The following DIP2B variants were observed in gnomAD, a reference collection of about 807,000 sequenced individuals.
DIP2B encodes disco-interacting protein 2 homolog B.
Under a neutral mutation model 198.0 loss-of-function variants are expected in DIP2B, and 76 were observed. The observed-to-expected ratio is 0.38, with a 90% CI of 0.32 to 0.46. The LOEUF is 0.46. Ranked by LOEUF, DIP2B falls within the 20% of genes least tolerant of loss-of-function variation. The pLI, the probability that DIP2B is intolerant of heterozygous loss-of-function variation, is 0.99. For missense variants in DIP2B, 1,559 were observed against 1,978.4 expected, an observed-to-expected ratio of 0.79 and a Z score of 4.02; for synonymous variants, 701 against 739.1, an observed-to-expected ratio of 0.95 and a Z score of 0.84.
chr12:50,570,888 A>C (rs779372950), intron 1 of DIP2B, among the ~76,000 whole-genome samples: 8 of 152,244 alleles, frequency 5.3e-5, no homozygotes, highest in Non-Finnish European at 8.8e-5. Context: ...TTATTCTCTC[A>C]GAAATTTTGG....
intron 12 of DIP2B, among the ~76,000 whole-genome samples, chr12:50,690,337 T>C (rs1042881188): frequency 5.3e-5 from 8 of 152,132 alleles, no homozygotes; most frequent in Non-Finnish European, 7.4e-5. Flanking sequence ...CCGCCCACCT[T>C]GGCCTCCCAA....
At chr12:50,674,348 T>C (rs1938907459) in intron 5 of DIP2B, 126 bp from the exon 6 acceptor site, 3 of 958,088 alleles carry the variant, frequency 3.1e-6, no homozygotes, top group Non-Finnish European at 4.6e-6. Flanking sequence ...TTTTAAATGT[T>C]GTTTTACAAG....
chr12:50,640,888 T>A lies in DIP2B; in HGVS notation c.301+36T>A, dbSNP rs184438387. On this transcript the variant is annotated intron_variant, in intron 3 of 37. Transcript: ENST00000301180. ...GCTGCAGAATGGCCAGCTGAATCGT[T>A]TTCCTAACAGTAGTATGAACTGTGT... The A allele has an allele frequency of 8.3e-4, 1,324 of 1,603,246 alleles. 11 individuals carry two copies. Among genetic ancestry groups the A allele is most frequent in the East Asian group, 7.3e-3 (325 of 44,728 alleles).
At chr12:50,562,306 G>C (rs1958526047) in intron 1 of DIP2B, among the ~76,000 whole-genome samples, 2 of 152,172 alleles carry the variant, frequency 1.3e-5, no homozygotes, top group South Asian at 4.1e-4. Context: ...ATAAGAATAA[G>C]AGGGGAGGTT....
chr12:50,714,402 A>G lies in DIP2B; in HGVS notation c.2657A>G (p.Asp886Gly). ...TTGTTTGTATTTTTCTAGGCGATCG[A>G]TAGCATTCATCAAGTGGGGGTTTAT... ...QWMSRVLQAI[D>G]SIHQVGVYCL... Residue 886 changes from aspartate to glycine, a missense_variant, in exon 23 of 38, where the codon GAT (aspartate) becomes GGT (glycine). By Grantham distance (94) the Asp-to-Gly change is moderately conservative. Coordinates refer to ENST00000301180, the MANE Select transcript of DIP2B (RefSeq NM_173602.3). 6.2e-7 allele frequency: 1 copy of G among 1,614,224 alleles called. No individual in the cohort carries two copies. Among genetic ancestry groups the G allele is most frequent in the East Asian group, 2.2e-5 (1 of 44,890 alleles).
intron 1 of DIP2B, among the ~76,000 whole-genome samples, chr12:50,537,080 C>A (rs1958274802): frequency 7.7e-6 from 1 of 129,492 alleles, no homozygotes. Flanking sequence ...TTTTTTTGGT[C>A]ACACTTACCA....
At chr12:50,636,539 T>C (rs2139482397) in intron 2 of DIP2B, among the ~76,000 whole-genome samples, 1 of 152,304 alleles carries the variant, frequency 6.6e-6, no homozygotes, top group South Asian at 2.1e-4. Flanking sequence ...AGGGATTATA[T>C]AGGCAGTGCA....
chr12:50,698,961 CCACTCAGTAAAGGCAGGACTTTCT>C, intron 18 of DIP2B, 81 bp from the exon 19 acceptor site: 2 of 1,274,372 alleles, frequency 1.6e-6, no homozygotes, highest in African/African-American at 3.0e-5. Context: ...TTACTTAATG[CCACTCAGTAAAGGCAGGACTTTCT>C]TGGGTTCACA....
At chr12:50,681,634 T>C (rs1939043507) in intron 9 of DIP2B, among the ~76,000 whole-genome samples, 1 of 152,228 alleles carries the variant, frequency 6.6e-6, no homozygotes, top group African/African-American at 2.4e-5. Flanking sequence ...TAAATATGAT[T>C]ACTTTTTACC....
At position 50,692,984 on chromosome 12, in the gene DIP2B, G is replaced by A; in HGVS notation, c.1690G>A (p.Asp564Asn). The change falls in exon 14 of 38, where the codon GAT (aspartate) becomes AAT (asparagine). Residue 564 changes from aspartate to asparagine, a missense_variant. Physicochemically the swap from Asp to Asn is conservative, Grantham distance 23. Coordinates refer to ENST00000301180, the MANE Select transcript of DIP2B (RefSeq NM_173602.3). Reference sequence around the variant, plus strand: ...AGTAAATGTCTTAGACTTTAAGAAGGATGCTGGGCTGTGGCACGGCATGTT... The same window carrying A: ...AGTAAATGTCTTAGACTTTAAGAAGAATGCTGGGCTGTGGCACGGCATGTT... ...TIVNVLDFKK[D>N]AGLWHGMFAN... The A allele has an allele frequency of 6.2e-7, 1 of 1,610,702 alleles. No homozygotes were observed. Among genetic ancestry groups the A allele is most frequent in the Non-Finnish European group, 8.5e-7 (1 of 1,179,210 alleles).
chr12:50,734,291 C>A, intron 33 of DIP2B, 95 bp downstream of exon 33: 1 of 1,273,170 alleles, frequency 7.9e-7, no homozygotes, highest in Non-Finnish European at 1.1e-6. Context: ...TCCTTTTGTT[C>A]ATATATTCCA....
chr12:50,553,548 G>A (rs1958444895), intron 1 of DIP2B, among the ~76,000 whole-genome samples: 2 of 152,174 alleles, frequency 1.3e-5, no homozygotes, highest in Non-Finnish European at 2.9e-5. Flanking sequence ...AGCATCTGGA[G>A]GCACTAACAG....
In DIP2B at chr12:50,660,914, A is replaced by T. The variant is rs150815673; in HGVS notation, c.427+595A>T. On this transcript the variant is annotated intron_variant, in intron 4 of 37. Coordinates refer to ENST00000301180, the MANE Select transcript of DIP2B (RefSeq NM_173602.3). ...AGAATCTACTTTTTATAACGGGGTC[A>T]TGAGATCAGTGAGAACTAGGTATCT... Among the ~76,000 whole-genome samples, 773 of 152,288 alleles carry T rather than the reference A, an allele frequency of 5.1e-3. 4 individuals are homozygous for T. The highest frequency in any genetic ancestry group is 0.017 in the African/African-American group (710 of 41,564).
At chr12:50,611,302 A>G (rs1007722865) in intron 1 of DIP2B, among the ~76,000 whole-genome samples, 1 of 152,190 alleles carries the variant, frequency 6.6e-6, no homozygotes, top group Non-Finnish European at 1.5e-5. Context: ...GCTAAAGGAT[A>G]TCAGCTCTTG....
At chr12:50,687,360 G>A (rs1939148986) in intron 12 of DIP2B, among the ~76,000 whole-genome samples, 1 of 152,192 alleles carries the variant, frequency 6.6e-6, no homozygotes, top group Middle Eastern at 3.2e-3. Context: ...TAGACTCAGA[G>A]TTAGGTCTAA....
intron 2 of DIP2B, among the ~76,000 whole-genome samples, 193 bp downstream of exon 2, chr12:50,626,240 T>G (rs1937932598): frequency 6.6e-6 from 1 of 152,216 alleles, no homozygotes; most frequent in Admixed American, 6.5e-5. Context: ...CTTTTAAAAA[T>G]ACCTAAGGTC....
At chr12:50,636,638 T>C (rs1938164629) in intron 2 of DIP2B, among the ~76,000 whole-genome samples, 2 of 152,230 alleles carry the variant, frequency 1.3e-5, no homozygotes, top group Non-Finnish European at 2.9e-5. Context: ...CACAGGGTGC[T>C]GCTGAATAAC....
At chr12:50,544,043 C>A (rs1219442469) in intron 1 of DIP2B, among the ~76,000 whole-genome samples, 1 of 149,580 alleles carries the variant, frequency 6.7e-6, no homozygotes. Flanking sequence ...TCCTGGCCAA[C>A]ATGGTGAAAC....
At position 50,660,328 on chromosome 12, in the gene DIP2B, A is replaced by G; in HGVS notation, c.427+9A>G. 6.3e-7 allele frequency: 1 copy of G among 1,594,736 alleles called. No individual in the cohort carries two copies. Among genetic ancestry groups the G allele is most frequent in the Non-Finnish European group, 8.5e-7 (1 of 1,172,614 alleles). ...TGCCTGCACACCTCCTGGTAGGTTT[A>G]TCAGAGCTTTTTCTCTCTGACAGTT... is the stretch of plus-strand genomic sequence containing the variant. On this transcript the variant is annotated intron_variant, in intron 4 of 37. Coordinates refer to ENST00000301180, the MANE Select transcript of DIP2B (RefSeq NM_173602.3).
Sources: allele counts gnomAD v4.1 joint callset (sites outside exome capture counted in the v4.1 genomes callset), GRCh38; gene constraint gnomAD v4.1.1; transcripts MANE v1.5; gene names NCBI Gene and HGNC (gene_info 2026-07-23, HGNC 2026-07-21).